The following NEGR1 variants were observed in gnomAD, a reference collection of about 807,000 sequenced individuals.
NEGR1 encodes neuronal growth regulator 1.
Under a neutral mutation model 40.9 loss-of-function variants are expected in NEGR1, and 10 were observed. The observed-to-expected ratio is 0.24, with a 90% CI of 0.15 to 0.42. The LOEUF is 0.42. Among genes scored for constraint, NEGR1 ranks in the 10% least tolerant of loss-of-function variants. The pLI is 1.00. For synonymous variants in NEGR1, 185 were observed against 166.8 expected (o/e 1.11, Z -0.84); for missense variants, 352 against 438.9 (o/e 0.80, Z 1.77).
At chr1:72,251,458 C>T (rs1040517299) in intron 1 of NEGR1, among the ~76,000 whole-genome samples, 3 of 152,114 alleles carry the variant, frequency 2.0e-5, no homozygotes, top group Admixed American at 6.5e-5. Context: ...TGTCATCCCT[C>T]GGTATCCATA....
chr1:71,556,547 C>T (rs11801002), intron 6 of NEGR1, among the ~76,000 whole-genome samples: 7,006 of 151,464 alleles, frequency 0.046, 556 homozygotes, highest in African/African-American at 0.16. Context: ...ACACAACATT[C>T]TAAGAAAATC....
chr1:71,712,840 T>C (rs1654147418), intron 3 of NEGR1, among the ~76,000 whole-genome samples: 1 of 152,102 alleles, frequency 6.6e-6, no homozygotes, highest in African/African-American at 2.4e-5. Context: ...TGTTTGAAAG[T>C]GTGTGGCACT....
At chr1:72,072,808 G>A (rs1216883247) in intron 1 of NEGR1, among the ~76,000 whole-genome samples, 2 of 151,942 alleles carry the variant, frequency 1.3e-5, no homozygotes, top group African/African-American at 2.4e-5. Context: ...CTGCCAATGC[G>A]GTCTCATTCA....
At chr1:71,945,954 GT>G (rs1457615712) in intron 1 of NEGR1, among the ~76,000 whole-genome samples, 1 of 152,070 alleles carries the variant, frequency 6.6e-6, no homozygotes, top group Non-Finnish European at 1.5e-5. Context: ...ATAACTCTAG[GT>G]TATGATTGTG....
In NEGR1 at chr1:72,040,577, C is replaced by CA. The variant is rs5775102; in HGVS notation, c.177-105267dup. ...TGGCAAGCACAGTAAGAGCACTGAC[C>CA]AAAAAAAAAAAAAAAAAAAAAAAAA... is the stretch of plus-strand genomic sequence containing the variant. On this transcript the variant is annotated intron_variant, in intron 1 of 6. Transcript: ENST00000357731. Among the ~76,000 whole-genome samples the CA allele has an allele frequency of 8.0e-3, 239 of 29,712 alleles. 29 individuals are homozygous for CA. Among genetic ancestry groups the CA allele is most frequent in the Middle Eastern group, 0.05 (1 of 20 alleles). The allele number at this position is 29,712 out of a possible 152,430, so 19.5% of individuals were successfully genotyped here.
At chr1:71,926,467 T>C (rs1645774072) in intron 2 of NEGR1, among the ~76,000 whole-genome samples, 1 of 152,024 alleles carries the variant, frequency 6.6e-6, no homozygotes, top group South Asian at 2.1e-4. Context: ...ATCTCATGAG[T>C]AGATCCAAGA....
At chr1:72,199,217 C>T (rs1653113848) in intron 1 of NEGR1, among the ~76,000 whole-genome samples, 2 of 148,802 alleles carry the variant, frequency 1.3e-5, no homozygotes, top group Non-Finnish European at 3.0e-5. Context: ...GGCTGCATAA[C>T]ATGTATACTG....
chr1:72,059,819 T>G (rs1647149894), intron 1 of NEGR1, among the ~76,000 whole-genome samples: 1 of 151,680 alleles, frequency 6.6e-6, no homozygotes, highest in Admixed American at 6.6e-5. Flanking sequence ...GTATACATTA[T>G]GCATGTTAAA....
intron 6 of NEGR1, among the ~76,000 whole-genome samples, chr1:71,416,158 A>G (rs1328841701): frequency 6.6e-6 from 1 of 152,188 alleles, no homozygotes; most frequent in Non-Finnish European, 1.5e-5. Context: ...TGTGGTAAAA[A>G]CATGGGAGAA....
chr1:71,917,518 C>T (rs554893898), intron 2 of NEGR1, among the ~76,000 whole-genome samples: 3 of 152,028 alleles, frequency 2.0e-5, no homozygotes, highest in South Asian at 4.2e-4. Context: ...CGGACGGGTG[C>T]GGTGGCTCAT....
intron 1 of NEGR1, among the ~76,000 whole-genome samples, chr1:72,052,637 A>G (rs926939750): frequency 6.6e-6 from 1 of 151,554 alleles, no homozygotes; most frequent in African/African-American, 2.4e-5. Flanking sequence ...TATCAAATAA[A>G]TTAATTTTGA....
intron 2 of NEGR1, chr1:71,794,574 C>G (rs1657249508): frequency 6.6e-6 from 1 of 151,954 alleles, no homozygotes; most frequent in African/African-American, 2.4e-5. Flanking sequence ...GAATTTGGAC[C>G]TCATGCCATG....
At position 71,400,651 on chromosome 1, in the gene NEGR1, G is replaced by A. The variant is rs1464532932; in HGVS notation, c.*6795C>T. ...GATTATTAGATAGATAGGTTACTTG[G>A]GTTTTTTTTTTTTTGGGTCATTAAA... On this transcript the variant is annotated 3_prime_UTR_variant, in exon 7 of 7. Transcript: ENST00000357731. 6.7e-6 allele frequency: 1 copy of A among 150,126 alleles called. No individual in the cohort carries two copies. The highest frequency in any genetic ancestry group is 1.5e-5 in the Non-Finnish European group (1 of 67,748). 9.3% of individuals were successfully genotyped at this position (150,126 alleles called of 1,614,324 possible). A position where few individuals can be genotyped will look rare whatever the true frequency, so the allele number is the denominator to read the frequency against.
chr1:72,242,446 T>C (rs1029722002), intron 1 of NEGR1, among the ~76,000 whole-genome samples: 6 of 151,608 alleles, frequency 4.0e-5, no homozygotes, highest in African/African-American at 1.4e-4. Context: ...CACTGAGCTA[T>C]TTTCAGGCCT....
At chr1:71,523,901 G>A (rs1647183761) in intron 6 of NEGR1, among the ~76,000 whole-genome samples, 1 of 151,808 alleles carries the variant, frequency 6.6e-6, no homozygotes, top group African/African-American at 2.4e-5. Context: ...GAAGCTCTGG[G>A]CTAGGAGGAC....
intron 1 of NEGR1, among the ~76,000 whole-genome samples, chr1:71,938,977 A>T (rs751380795): frequency 5.9e-5 from 9 of 152,112 alleles, no homozygotes; most frequent in Non-Finnish European, 1.2e-4. Context: ...TATTTAATTC[A>T]TAAGAAAATT....
chr1:72,068,158 C>T (rs1647323810), intron 1 of NEGR1, among the ~76,000 whole-genome samples: 1 of 152,112 alleles, frequency 6.6e-6, no homozygotes, highest in Admixed American at 6.6e-5. Flanking sequence ...TTATGGACCC[C>T]CAGGTTGAAG....
At chr1:71,729,261 A>G (rs1317425600) in intron 3 of NEGR1, among the ~76,000 whole-genome samples, 5 of 152,042 alleles carry the variant, frequency 3.3e-5, no homozygotes, top group Non-Finnish European at 7.4e-5. Flanking sequence ...CACCTTCTCA[A>G]TGAGGCTCCT....
rs183795005 is a variant in NEGR1 at position 71,396,511 on chromosome 1, T to C, written c.*10935A>G. On this transcript the variant is annotated 3_prime_UTR_variant, in exon 7 of 7. Transcript: ENST00000357731. ...TAACAGGTTCTTCTTGAAATGATAC[T>C]AGCTTGAGAATGTGCCTCAACATAA... 3.7e-4 allele frequency: 57 copies of C among 152,350 alleles called. No homozygotes were observed. Among genetic ancestry groups the C allele is most frequent in the African/African-American group, 1.3e-3 (53 of 41,582 alleles). The allele number at this position is 152,350 out of a possible 1,614,324, so 9.4% of individuals were successfully genotyped here.
Sources: allele counts gnomAD v4.1 joint callset (sites outside exome capture counted in the v4.1 genomes callset), GRCh38; gene constraint gnomAD v4.1.1; transcripts MANE v1.5; gene names NCBI Gene and HGNC (gene_info 2026-07-23, HGNC 2026-07-21).